Variants in RAD51B observed in about 807,000 individuals in gnomAD.
RAD51B encodes the protein RAD51 paralog B, also known as DNA repair protein RAD51 homolog 2.
In RAD51B, 38 loss-of-function variants were observed where a neutral mutation model predicts 42.2. The observed-to-expected ratio is 0.90, with a 90% CI of 0.70 to 1.18. The LOEUF is 1.18. Among genes scored for constraint, RAD51B ranks in the 50% most tolerant of loss-of-function variants. RAD51B has a pLI of 0.00. For synonymous variants in RAD51B, 154 were observed against 145.2 expected (o/e 1.06, Z -0.43); for missense variants, 373 against 400.7 (o/e 0.93, Z 0.59).
chr14:68,166,616 C>T (rs187878144), intron 7 of RAD51B, among the ~76,000 whole-genome samples: 27 of 152,190 alleles, frequency 1.8e-4, no homozygotes, highest in Admixed American at 1.3e-3. Context: ...GCTAAACTAA[C>T]GTAGTAGGGA....
chr14:68,325,095 C>A (rs2139778159), intron 8 of RAD51B, among the ~76,000 whole-genome samples: 1 of 152,326 alleles, frequency 6.6e-6, no homozygotes, highest in Non-Finnish European at 1.5e-5. Context: ...CAACCTGGGT[C>A]TAATGCTGCC....
At chr14:68,506,600 G>A (rs1227730786) in intron 10 of RAD51B, among the ~76,000 whole-genome samples, 1 of 152,240 alleles carries the variant, frequency 6.6e-6, no homozygotes, top group East Asian at 1.9e-4. Context: ...CAGCTCCTGT[G>A]TGCTGGATCG....
intron 10 of RAD51B, chr14:68,562,430 A>G (rs1396449660): frequency 1.0e-6 from 1 of 982,782 alleles, no homozygotes; most frequent in South Asian, 4.7e-5. Flanking sequence ...CCCCCAGTCA[A>G]CCCTGCCTTT....
chr14:68,481,282 GAA>G (rs35045438), downstream of RAD51B, among the ~76,000 whole-genome samples: 1 of 149,312 alleles, frequency 6.7e-6, no homozygotes, highest in African/African-American at 2.5e-5. Context: ...TGTCTGCCAC[GAA>G]AAAAAAAATG....
chr14:68,613,458 CT>C (rs143102666), downstream of RAD51B, among the ~76,000 whole-genome samples: 102 of 139,774 alleles, frequency 7.3e-4, no homozygotes, highest in Middle Eastern at 3.8e-3. Context: ...TTCTTTTTTT[CT>C]TTTTTTTTTT....
chr14:68,529,097 A>G (rs1390098961), intron 10 of RAD51B, among the ~76,000 whole-genome samples: 1 of 152,256 alleles, frequency 6.6e-6, no homozygotes, highest in Non-Finnish European at 1.5e-5. Context: ...AAGCACAGCT[A>G]GAGGCTCCTG....
chr14:68,399,349 C>T (rs557609560), intron 8 of RAD51B, among the ~76,000 whole-genome samples: 206 of 151,006 alleles, frequency 1.4e-3, no homozygotes, highest in African/African-American at 4.7e-3. Context: ...CTCCTCTTCC[C>T]GGGTTCACGC....
At chr14:68,641,656 G>T (rs1282717527) in intron 10 of RAD51B, among the ~76,000 whole-genome samples, 43 of 151,578 alleles carry the variant, frequency 2.8e-4, no homozygotes, top group Non-Finnish European at 1.5e-5. Flanking sequence ...TATCATGAAT[G>T]GGTGTTGGAT....
intron 10 of RAD51B, among the ~76,000 whole-genome samples, chr14:68,647,635 T>C (rs1286634047): frequency 6.6e-6 from 1 of 152,182 alleles, no homozygotes; most frequent in African/African-American, 2.4e-5. Context: ...CCACATTATA[T>C]GGTGCTTTTG....
intron 7 of RAD51B, among the ~76,000 whole-genome samples, chr14:68,204,543 G>A (rs1214268196): frequency 6.6e-6 from 1 of 152,140 alleles, no homozygotes; most frequent in Non-Finnish European, 1.5e-5. Flanking sequence ...CATGCTATTG[G>A]AAAAATGGCA....
Position 68,287,925 on chromosome 14 carries a change from C to T in RAD51B, c.757-3959C>T, listed in dbSNP as rs184162266. Among the ~76,000 whole-genome samples the T allele has an allele frequency of 5.7e-4, 87 of 152,288 alleles. 1 individual carries two copies. The highest frequency in any genetic ancestry group is 1.8e-3 in the Admixed American group (27 of 15,286). ...TATCATACCCAGAGAGACTATGAAG[C>T]TTGCTCCATGTCACACAGCGAGTAA... On this transcript the variant is annotated intron_variant, in intron 7 of 10. Coordinates refer to ENST00000471583, the MANE Select transcript of RAD51B (RefSeq NM_133510.4).
At chr14:67,929,921 ATT>A (rs1234262155) in intron 7 of RAD51B, among the ~76,000 whole-genome samples, 36 of 151,840 alleles carry the variant, frequency 2.4e-4, no homozygotes, top group African/African-American at 8.5e-4. Flanking sequence ...AGTAGCTGGG[ATT>A]ACAGGCAGGA....
chr14:68,476,210 C>G (rs113955596), intron 10 of RAD51B, among the ~76,000 whole-genome samples: 41 of 152,240 alleles, frequency 2.7e-4, no homozygotes, highest in Middle Eastern at 3.4e-3. Context: ...AGTAGGATGA[C>G]TGAGGTAGGT....
intron 7 of RAD51B, among the ~76,000 whole-genome samples, chr14:68,282,442 T>G (rs730892): frequency 6.6e-6 from 1 of 152,338 alleles, no homozygotes; most frequent in East Asian, 1.9e-4. Flanking sequence ...TGTTCTGGAC[T>G]TGTTCTTCTT....
chr14:68,638,721 G>A (rs1216784352), intron 10 of RAD51B, among the ~76,000 whole-genome samples: 1 of 152,160 alleles, frequency 6.6e-6, no homozygotes, highest in Admixed American at 6.5e-5. Flanking sequence ...AACCTGCGCA[G>A]CACTGCAGTG....
At chr14:68,547,521 C>T (rs921817820) in intron 10 of RAD51B, among the ~76,000 whole-genome samples, 3 of 152,198 alleles carry the variant, frequency 2.0e-5, no homozygotes, top group Non-Finnish European at 4.4e-5. Flanking sequence ...AGGAGCCCCG[C>T]TCACTCCTCA....
intron 10 of RAD51B, among the ~76,000 whole-genome samples, chr14:68,549,406 C>T (rs940162786): frequency 3.4e-5 from 3 of 88,854 alleles, no homozygotes; most frequent in African/African-American, 9.9e-5. Flanking sequence ...ATGCCCTGGA[C>T]ACATTTTTTT....
Position 67,885,991 on chromosome 14 carries a change from A to G in RAD51B, c.572+3A>G, listed in dbSNP as rs377106281. ...ACCTGTGATGAAGTTCTACAAAGGTATGCTGCTTTAGATTTTGATTTTTTA... is the reference window on the plus strand; with the variant it reads ...ACCTGTGATGAAGTTCTACAAAGGTGTGCTGCTTTAGATTTTGATTTTTTA... On this transcript the variant is annotated splice_donor_region_variant and intron_variant, in intron 6 of 10. Coordinates refer to ENST00000471583, the MANE Select transcript of RAD51B (RefSeq NM_133510.4). 6.4e-6 allele frequency: 10 copies of G among 1,574,184 alleles called. No homozygotes were observed. In the African/African-American group the frequency reaches 6.8e-5, roughly 11 times the overall value.
chr14:68,223,163 G>C (rs1181841745), intron 7 of RAD51B, among the ~76,000 whole-genome samples: 1 of 152,162 alleles, frequency 6.6e-6, no homozygotes, highest in East Asian at 1.9e-4. Flanking sequence ...TCACAATTTT[G>C]AGGCGTAGAA....
Sources: allele counts gnomAD v4.1 joint callset (sites outside exome capture counted in the v4.1 genomes callset), GRCh38; gene constraint gnomAD v4.1.1; transcripts MANE v1.5; gene names NCBI Gene and HGNC (gene_info 2026-07-23, HGNC 2026-07-21).